MON2: variants seen among roughly 807,000 people sequenced by gnomAD.
The protein encoded by MON2 is protein MON2 homolog.
MON2 carries 84 observed loss-of-function variants against 208.6 expected under a neutral mutation model. The observed-to-expected ratio is 0.40, with a 90% CI of 0.34 to 0.48. MON2 has a LOEUF of 0.48. MON2 is among the 20% of genes least tolerant of loss of function. The probability of loss-of-function intolerance (pLI) is 0.59; values close to 1 mark genes in which losing one functional copy is unlikely to be tolerated. For missense variants in MON2, 1,611 were observed against 2,015.4 expected (o/e 0.80, Z 3.84); for synonymous variants, 660 against 694.0 (o/e 0.95, Z 0.77).
chr12:62,500,324 C>T (rs1004872242), intron 5 of MON2, among the ~76,000 whole-genome samples: 6 of 152,138 alleles, frequency 3.9e-5, no homozygotes, highest in Admixed American at 1.3e-4. Context: ...CTAGCTGATT[C>T]TTAGCTGGTG....
chr12:62,491,135 T>A lies in MON2; in HGVS notation c.176-2780T>A, dbSNP rs186311254. On this transcript the variant is annotated intron_variant, in intron 2 of 34. Coordinates refer to ENST00000393630, the MANE Select transcript of MON2 (RefSeq NM_015026.3). ...ATTGTTGATACCACATACATTGAGT[T>A]GAATTGCTGTTTAAAGTGTCACCCT... 7.9e-5 allele frequency among the ~76,000 whole-genome samples: 12 copies of A among 152,324 alleles called. No homozygotes were observed. In the East Asian group the frequency reaches 1.9e-3, roughly 24 times the overall value.
chr12:62,590,373 A>G (rs1338230479), intron 34 of MON2, among the ~76,000 whole-genome samples: 1 of 152,090 alleles, frequency 6.6e-6, no homozygotes, highest in Admixed American at 6.6e-5. Context: ...GATTGCAGGC[A>G]TGAACAACCG....
intron 32 of MON2, among the ~76,000 whole-genome samples, 177 bp downstream of exon 32, chr12:62,580,597 T>C (rs2074968460): frequency 6.6e-6 from 1 of 152,188 alleles, no homozygotes; most frequent in Non-Finnish European, 1.5e-5. Flanking sequence ...GACTATTCTG[T>C]GGAATAGAAT....
At chr12:62,538,595 C>A in intron 19 of MON2, 90 bp downstream of exon 19, 2 of 863,954 alleles carry the variant, frequency 2.3e-6, no homozygotes, top group African/African-American at 1.7e-5. Flanking sequence ...ACTAGTAGAA[C>A]TAACACTCAG....
At position 62,484,235 on chromosome 12, in the gene MON2, T is replaced by G. The variant is rs1463524286; in HGVS notation, c.175+2T>G. On this transcript the variant is annotated splice_donor_variant, in intron 2 of 34. Coordinates refer to ENST00000393630, the MANE Select transcript of MON2 (RefSeq NM_015026.3). LOFTEE classifies it high-confidence loss of function. ...CACGAAACACTGAAATTTTGGCAGG[T>G]AATTTTTTGTATTAAAAATTTAATA... 1 of 1,583,752 alleles carries G rather than the reference T, an allele frequency of 6.3e-7. No individual in the cohort carries two copies. The highest frequency in any genetic ancestry group is 8.6e-7 in the Non-Finnish European group (1 of 1,162,100).
chr12:62,534,543 A>ATATATATATATATATATATATAT (rs2072850493), intron 12 of MON2, among the ~76,000 whole-genome samples: 1 of 21,928 alleles, frequency 4.6e-5, no homozygotes, highest in African/African-American at 1.9e-4. Flanking sequence ...AAAAAAAAAA[A>ATATATATATATATATATATATAT]TATATATATA....
intron 25 of MON2, among the ~76,000 whole-genome samples, chr12:62,558,165 A>G (rs1242626598): frequency 6.6e-6 from 1 of 150,390 alleles, no homozygotes; most frequent in Non-Finnish European, 1.5e-5. Context: ...TTTAGTAGAA[A>G]CGGGATTTCT....
At chr12:62,583,982 A>C (rs999981563) in intron 32 of MON2, among the ~76,000 whole-genome samples, 2 of 151,420 alleles carry the variant, frequency 1.3e-5, no homozygotes, top group African/African-American at 4.9e-5. Context: ...AAACAAAAAA[A>C]AAAAACAGAC....
At chr12:62,577,431 A>C (rs968087343) in intron 30 of MON2, among the ~76,000 whole-genome samples, 3 of 152,108 alleles carry the variant, frequency 2.0e-5, no homozygotes, top group Non-Finnish European at 4.4e-5. Context: ...GTCCAAATCA[A>C]AGAAACCACA....
intron 19 of MON2, among the ~76,000 whole-genome samples, chr12:62,541,064 A>G (rs140168764): frequency 8.1e-4 from 123 of 152,284 alleles, no homozygotes; most frequent in Admixed American, 1.7e-3. Flanking sequence ...AATTTGTGCC[A>G]ATGTGTTGAG....
intron 8 of MON2, among the ~76,000 whole-genome samples, chr12:62,519,766 A>G (rs1173206141): frequency 6.6e-6 from 1 of 152,200 alleles, no homozygotes; most frequent in East Asian, 1.9e-4. Context: ...CTTTTTAGAT[A>G]ATAATGGTGG....
At chr12:62,555,920 A>G in intron 24 of MON2, 74 bp from the exon 25 acceptor site, 1 of 1,103,462 alleles carries the variant, frequency 9.1e-7, no homozygotes, top group South Asian at 1.4e-5. Context: ...GTAGATTCTT[A>G]TGCTGTTGCT....
intron 20 of MON2, 126 bp downstream of exon 20, chr12:62,543,324 A>G (rs866398843): frequency 1.8e-5 from 8 of 450,640 alleles, no homozygotes; most frequent in African/African-American, 1.4e-4. Flanking sequence ...CTGTGTACTT[A>G]CTTATGTTTG....
In MON2 at chr12:62,532,428, A is replaced by G. The variant is rs763872486; in HGVS notation, c.1401-10A>G. The G allele has an allele frequency of 1.3e-6, 2 of 1,596,712 alleles. No homozygotes were observed. Among genetic ancestry groups the G allele is most frequent in the Non-Finnish European group, 8.6e-7 (1 of 1,164,508 alleles). The stretch of plus-strand genomic sequence containing the variant: ...TTCTCATTAGTATTCTATATTTTTC[A>G]TAATTTCAGCTTAGAAATGTTGGAC... On this transcript the variant is annotated splice_polypyrimidine_tract_variant and intron_variant, in intron 11 of 34. Coordinates refer to ENST00000393630, the MANE Select transcript of MON2 (RefSeq NM_015026.3).
rs558760761 is a variant in MON2, at chr12:62,508,624, A to G, written c.984+144A>G. 4.6e-6 allele frequency: 3 copies of G among 648,476 alleles called. No individual in the cohort carries two copies. In the Admixed American group the frequency reaches 8.2e-5, roughly 18 times the overall value. The allele number at this position is 648,476 out of a possible 1,614,324, so 40.2% of individuals were successfully genotyped here. A position where few individuals can be genotyped will look rare whatever the true frequency, so the allele number is the denominator to read the frequency against. On this transcript the variant is annotated intron_variant, in intron 8 of 34. Transcript: ENST00000393630. ...TACCTACGTGTAGTCTAGGTACTCTAAAGGTTTGTTCTATCCTTTCTTGAA... is the reference window on the plus strand; with the variant it reads ...TACCTACGTGTAGTCTAGGTACTCTGAAGGTTTGTTCTATCCTTTCTTGAA...
intron 11 of MON2, 104 bp downstream of exon 11, chr12:62,526,206 T>C (rs185168924): frequency 2.2e-4 from 232 of 1,066,210 alleles, no homozygotes; most frequent in Non-Finnish European, 3.0e-4. Context: ...CCACTACTTC[T>C]AAGGTATTTT....
chr12:62,548,590 C>A (rs1350910250), intron 22 of MON2, among the ~76,000 whole-genome samples: 2 of 152,090 alleles, frequency 1.3e-5, no homozygotes, highest in African/African-American at 4.8e-5. Context: ...TAATAAAATT[C>A]TTTACTACAA....
At position 62,497,819 on chromosome 12, in the gene MON2, T is replaced by C. The variant is rs145845984; in HGVS notation, c.436-1100T>C. Among the ~76,000 whole-genome samples, 25 of 152,268 alleles carry C rather than the reference T, an allele frequency of 1.6e-4. No homozygotes were observed. The East Asian group carries it at 4.8e-3, about 29-fold the overall frequency. ...TTAGTAGAGACAGGGTTTCACCATG[T>C]TGGCCGGGCTGGCCTTCAAATCCTG... On this transcript the variant is annotated intron_variant, in intron 4 of 34. Coordinates refer to ENST00000393630, the MANE Select transcript of MON2 (RefSeq NM_015026.3).
chr12:62,583,286 C>G (rs2075068706), intron 32 of MON2, among the ~76,000 whole-genome samples: 2 of 152,086 alleles, frequency 1.3e-5, no homozygotes, highest in Middle Eastern at 3.4e-3. Flanking sequence ...GAGCTGTGAT[C>G]ACACCACTGC....
Sources: gnomAD v4.1 joint callset for allele counts (sites outside exome capture counted in the v4.1 genomes callset) on GRCh38, gnomAD v4.1.1 for gene constraint, MANE v1.5 for transcripts, NCBI Gene and HGNC (gene_info 2026-07-23, HGNC 2026-07-21) for gene names.